The following SEMA5A variants were observed in gnomAD, a reference collection of about 807,000 sequenced individuals.
The protein encoded by SEMA5A is semaphorin 5A.
Under a neutral mutation model 135.5 loss-of-function variants are expected in SEMA5A, and 55 were observed. That is an observed-to-expected ratio of 0.41 (90% confidence interval 0.33 to 0.51). The LOEUF is 0.51. Ranked by LOEUF, SEMA5A falls within the 20% of genes least tolerant of loss-of-function variation. The pLI, the probability that SEMA5A is intolerant of heterozygous loss-of-function variation, is 0.37. For synonymous variants in SEMA5A, 580 were observed against 546.5 expected, an observed-to-expected ratio of 1.06 and a Z score of -0.85; for missense variants, 1,290 against 1,419.9, an observed-to-expected ratio of 0.91 and a Z score of 1.47.
At chr5:9,297,200 A>G (rs1167237362) in intron 5 of SEMA5A, among the ~76,000 whole-genome samples, 1 of 152,138 alleles carries the variant, frequency 6.6e-6, no homozygotes, top group African/African-American at 2.4e-5. Context: ...ACACATACAT[A>G]TGTATATACA....
intron 2 of SEMA5A, among the ~76,000 whole-genome samples, chr5:9,419,052 T>A (rs1736496970): frequency 6.6e-6 from 1 of 152,082 alleles, no homozygotes. Context: ...ATCCCAGAGA[T>A]TTTGGTAAGT....
intron 21 of SEMA5A, 48 bp downstream of exon 21, chr5:9,050,362 A>T: frequency 6.7e-7 from 1 of 1,492,834 alleles, no homozygotes; most frequent in East Asian, 2.3e-5. Flanking sequence ...GGAAATGATT[A>T]GAATATATCA....
intron 3 of SEMA5A, among the ~76,000 whole-genome samples, chr5:9,346,130 G>T (rs974626781): frequency 1.3e-5 from 2 of 152,092 alleles, no homozygotes; most frequent in African/African-American, 4.8e-5. Context: ...AGACTCAGCT[G>T]GCAGAGAGGA....
At chr5:9,347,545 TTTTTC>T (rs1034231923) in intron 3 of SEMA5A, among the ~76,000 whole-genome samples, 38 of 152,222 alleles carry the variant, frequency 2.5e-4, no homozygotes, top group African/African-American at 8.7e-4. Context: ...GTCACACATT[TTTTTC>T]TTTTCTTTTT....
intron 22 of SEMA5A, among the ~76,000 whole-genome samples, chr5:9,043,919 G>T (rs528003837): frequency 1.3e-5 from 2 of 152,314 alleles, no homozygotes; most frequent in African/African-American, 2.4e-5. Flanking sequence ...CCAAATGTTT[G>T]TTTTGAAAGC....
At chr5:9,070,816 A>G (rs1004896480) in intron 16 of SEMA5A, among the ~76,000 whole-genome samples, 1 of 152,222 alleles carries the variant, frequency 6.6e-6, no homozygotes, top group Non-Finnish European at 1.5e-5. Flanking sequence ...TGATACATTC[A>G]CTTGAAGTAT....
chr5:9,469,112 G>A (rs919740391), intron 1 of SEMA5A, among the ~76,000 whole-genome samples: 5 of 152,162 alleles, frequency 3.3e-5, no homozygotes, highest in African/African-American at 1.2e-4. Flanking sequence ...AGATTCAAGC[G>A]ATTCTCCTGC....
chr5:9,182,162 A>ACCC (rs1744559044), intron 11 of SEMA5A, among the ~76,000 whole-genome samples: 7 of 112,654 alleles, frequency 6.2e-5, no homozygotes, highest in South Asian at 2.7e-4. Flanking sequence ...CCCCACCCCA[A>ACCC]AAAAAAATAC....
intron 11 of SEMA5A, among the ~76,000 whole-genome samples, chr5:9,180,161 C>T (rs890039066): frequency 2.0e-5 from 3 of 152,166 alleles, no homozygotes; most frequent in African/African-American, 7.2e-5. Flanking sequence ...CACTGTACTC[C>T]AGTATGACTT....
At chr5:9,242,728 G>C (rs1748269212) in intron 5 of SEMA5A, among the ~76,000 whole-genome samples, 1 of 152,078 alleles carries the variant, frequency 6.6e-6, no homozygotes, top group Admixed American at 6.6e-5. Context: ...ACTTACTCAT[G>C]TAACCACATA....
chr5:9,143,026 C>G (rs1000228243), intron 12 of SEMA5A, among the ~76,000 whole-genome samples: 63 of 152,282 alleles, frequency 4.1e-4, no homozygotes, highest in Middle Eastern at 3.4e-3. Context: ...CAATAGCCTT[C>G]CTGAGACATC....
intron 1 of SEMA5A, among the ~76,000 whole-genome samples, chr5:9,542,287 G>C (rs1004359064): frequency 2.6e-5 from 4 of 152,180 alleles, no homozygotes; most frequent in African/African-American, 9.7e-5. Context: ...CATTTCTGCA[G>C]GGTAGCAGAG....
chr5:9,162,550 ATGTG>A (rs201253805), intron 11 of SEMA5A, among the ~76,000 whole-genome samples: 90 of 51,522 alleles, frequency 1.7e-3, no homozygotes, highest in African/African-American at 3.0e-3. Flanking sequence ...GTGTGTATAT[ATGTG>A]TGTGTGTGTG....
intron 17 of SEMA5A, among the ~76,000 whole-genome samples, chr5:9,064,294 A>G (rs1162434804): frequency 2.0e-5 from 3 of 152,260 alleles, no homozygotes; most frequent in Non-Finnish European, 4.4e-5. Flanking sequence ...TGAAATGGTC[A>G]TGAGAACTCA....
chr5:9,149,107 T>C (rs1742493856), intron 12 of SEMA5A, among the ~76,000 whole-genome samples: 1 of 152,230 alleles, frequency 6.6e-6, no homozygotes, highest in Non-Finnish European at 1.5e-5. Context: ...AGTAATAAAC[T>C]GTCTGGATCT....
intron 1 of SEMA5A, among the ~76,000 whole-genome samples, chr5:9,487,595 A>T (rs1406840318): frequency 1.3e-5 from 2 of 152,158 alleles, no homozygotes; most frequent in Non-Finnish European, 2.9e-5. Flanking sequence ...GAGGAAGAGG[A>T]TATAGTTCAC....
At chr5:9,514,751 T>A (rs370002) in intron 1 of SEMA5A, among the ~76,000 whole-genome samples, 99,368 of 152,188 alleles carry the variant, frequency 0.65, 33,357 homozygotes, top group Non-Finnish European at 0.69. Flanking sequence ...ATCCATAGAC[T>A]TGGAACCCAT....
chr5:9,130,713 A>G (rs1392251410), intron 13 of SEMA5A, among the ~76,000 whole-genome samples: 1 of 152,204 alleles, frequency 6.6e-6, no homozygotes, highest in Non-Finnish European at 1.5e-5. Context: ...TCTTTCTCTT[A>G]TATTAAGATT....
chr5:9,053,097 T>C (rs1016469611), intron 19 of SEMA5A, among the ~76,000 whole-genome samples: 3 of 152,142 alleles, frequency 2.0e-5, no homozygotes, highest in South Asian at 4.1e-4. Context: ...CTAAAAAAAA[T>C]TGTGTGTTTC....
Sources: allele counts gnomAD v4.1 joint callset (sites outside exome capture counted in the v4.1 genomes callset), GRCh38; gene constraint gnomAD v4.1.1; transcripts MANE v1.5; gene names NCBI Gene and HGNC (gene_info 2026-07-23, HGNC 2026-07-21).